The following CCDC180 variants were observed in gnomAD, a reference collection of about 807,000 sequenced individuals.
CCDC180 encodes the protein coiled-coil domain containing 180, also known as coiled-coil domain-containing protein 180.
Under a neutral mutation model 209.2 loss-of-function variants are expected in CCDC180, and 154 were observed. The observed-to-expected ratio is 0.74, with a 90% CI of 0.65 to 0.84. CCDC180 has a LOEUF of 0.84. Ranked by LOEUF, CCDC180 falls within the 40% of genes least tolerant of loss-of-function variation. The pLI is 0.00. For missense variants in CCDC180, 1,874 were observed against 1,997.3 expected, an observed-to-expected ratio of 0.94 and a Z score of 1.18; for synonymous variants, 778 against 749.1, an observed-to-expected ratio of 1.04 and a Z score of -0.63.
intron 22 of CCDC180, among the ~76,000 whole-genome samples, chr9:97,351,021 G>A (rs993181532): frequency 6.6e-6 from 1 of 152,166 alleles, no homozygotes; most frequent in Non-Finnish European, 1.5e-5. Context: ...ATGTTCCATT[G>A]TGTGTATATA....
At chr9:97,324,946 C>G in intron 13 of CCDC180, 73 bp from the exon 14 acceptor site, 1 of 1,436,586 alleles carries the variant, frequency 7.0e-7, no homozygotes, top group East Asian at 2.3e-5. Context: ...ACAGGGGGTC[C>G]CACAGGTGGG....
intron 20 of CCDC180, among the ~76,000 whole-genome samples, chr9:97,348,214 A>G (rs1826329082): frequency 6.6e-6 from 1 of 151,994 alleles, no homozygotes; most frequent in Admixed American, 6.6e-5. Context: ...CTTTAGAGCT[A>G]TCAGAGAGCC....
In CCDC180 at chr9:97,366,680, A is replaced by T; in HGVS notation, c.4169A>T (p.Tyr1390Phe). 1 of 1,614,086 alleles carries T rather than the reference A, an allele frequency of 6.2e-7. No homozygotes were observed. Among genetic ancestry groups the T allele is most frequent in the Non-Finnish European group, 8.5e-7 (1 of 1,180,004 alleles). The part of the protein sequence containing the change: ...ILEYQSQANK[Y>F]HNSCLIELRI... ...GAGTATCAGAGCCAGGCAAATAAGTACCACAACTCCTGCCTCATAGGTGAG... is the reference window on the plus strand; with the variant it reads ...GAGTATCAGAGCCAGGCAAATAAGTTCCACAACTCCTGCCTCATAGGTGAG... Residue 1390 changes from tyrosine (Y) to phenylalanine (F), a missense_variant, in exon 31 of 37, where the codon TAC (tyrosine) becomes TTC (phenylalanine). Tyr to Phe is a conservative substitution (Grantham distance 22). Coordinates refer to ENST00000529487, the MANE Select transcript of CCDC180 (RefSeq NM_020893.6). This position sits in a 1 kb window ranked among gnomAD's most constrained non-coding sequence, Gnocchi z 4.3.
rs747525387 is a variant in CCDC180, at chr9:97,314,483, G to A, written c.550G>A (p.Val184Met). ...AGAAATGAACCGTCTCTTCCTAAAGGTGGAAAATGACACCAACCTTGAGGA... is the reference window on the plus strand; with the variant it reads ...AGAAATGAACCGTCTCTTCCTAAAGATGGAAAATGACACCAACCTTGAGGA... ...DEEMNRLFLK[V>M]ENDTNLEDYT... Residue 184 changes from valine to methionine, a missense_variant, in exon 6 of 37, where the codon GTG becomes ATG. Coordinates refer to ENST00000529487, the MANE Select transcript of CCDC180 (RefSeq NM_020893.6). The A allele has an allele frequency of 3.1e-6, 5 of 1,614,148 alleles. No homozygotes were observed. The South Asian group carries it at 4.4e-5, about 14-fold the overall frequency.
intron 22 of CCDC180, among the ~76,000 whole-genome samples, chr9:97,353,777 T>G (rs4743082): frequency 0.2 from 30,647 of 152,092 alleles, 3,409 homozygotes; most frequent in East Asian, 0.39. Flanking sequence ...CTTTCCTCTT[T>G]GCCCTTGGAT....
At chr9:97,326,273 C>T (rs185246110) in intron 14 of CCDC180, among the ~76,000 whole-genome samples, 32 of 151,946 alleles carry the variant, frequency 2.1e-4, no homozygotes, top group Non-Finnish European at 3.1e-4. Context: ...ACCAGGTGGG[C>T]GGGTGTGAGG....
intron 12 of CCDC180, 77 bp downstream of exon 12, chr9:97,322,998 CT>C: frequency 9.2e-7 from 1 of 1,084,796 alleles, no homozygotes; most frequent in Non-Finnish European, 1.4e-6. Context: ...CCCATACCCA[CT>C]GCCTTCCCCT....
At chr9:97,316,917 A>G in intron 8 of CCDC180, 148 bp from the exon 9 acceptor site, 1 of 659,176 alleles carries the variant, frequency 1.5e-6, no homozygotes. Flanking sequence ...CTGACCCCTC[A>G]GTCCCCTTCA....
At chr9:97,328,420 C>G (rs924288380) in intron 16 of CCDC180, among the ~76,000 whole-genome samples, 1 of 152,052 alleles carries the variant, frequency 6.6e-6, no homozygotes, top group Admixed American at 6.5e-5. Flanking sequence ...TTTATCATAC[C>G]TACCACTGCC....
chr9:97,358,972 A>G (rs1826671612), intron 25 of CCDC180, among the ~76,000 whole-genome samples: 1 of 152,226 alleles, frequency 6.6e-6, no homozygotes, highest in South Asian at 2.1e-4. Context: ...AACACCCACA[A>G]AGCATAGTTT....
chr9:97,356,357 C>T (rs1343372202), intron 24 of CCDC180, among the ~76,000 whole-genome samples: 1 of 152,200 alleles, frequency 6.6e-6, no homozygotes, highest in African/African-American at 2.4e-5. Flanking sequence ...ATAGGGACTC[C>T]AGACCCAGCT....
In CCDC180 at chr9:97,363,999, G is replaced by A. The variant is rs932729170; in HGVS notation, c.3903-52G>A. Reference sequence around the variant, plus strand: ...GCAGGGATCCTGCAGGCTCAGACCTGCCTTGCGTCTGTCCACAGCCTCCAG... The same window carrying A: ...GCAGGGATCCTGCAGGCTCAGACCTACCTTGCGTCTGTCCACAGCCTCCAG... On this transcript the variant is annotated intron_variant, in intron 28 of 36. Transcript: ENST00000529487. 2.5e-6 allele frequency: 4 copies of A among 1,570,440 alleles called. No individual in the cohort carries two copies. The African/African-American group carries it at 5.4e-5, about 21-fold the overall frequency.
At chr9:97,371,070 T>C (rs1827085226) in intron 33 of CCDC180, 1 of 186,106 alleles carries the variant, frequency 5.4e-6, no homozygotes, top group Non-Finnish European at 1.1e-5. Context: ...TTCACGCCAT[T>C]CTCCTGCCTC....
At chr9:97,346,671 G>A (rs1826269390) in intron 19 of CCDC180, among the ~76,000 whole-genome samples, 1 of 152,190 alleles carries the variant, frequency 6.6e-6, no homozygotes. Flanking sequence ...GGAGTTCAGT[G>A]GCATGACTCA....
chr9:97,314,736 G>A lies in CCDC180; in HGVS notation c.699+8G>A, dbSNP rs751791769. On this transcript the variant is annotated splice_region_variant and intron_variant, in intron 7 of 36. Coordinates refer to ENST00000529487, the MANE Select transcript of CCDC180 (RefSeq NM_020893.6). ...TTCTCCCGAACCGATAAAGTAAGTC[G>A]GCTGCAGGTGGGCTGTGTGGTGACT... The A allele has an allele frequency of 9.3e-6, 15 of 1,611,862 alleles. No individual in the cohort carries two copies. The Admixed American group carries it at 1.0e-4, about 11-fold the overall frequency.
At chr9:97,313,427 C>G (rs1038569492) in intron 5 of CCDC180, 82 bp downstream of exon 5, 4 of 933,182 alleles carry the variant, frequency 4.3e-6, no homozygotes, top group South Asian at 4.1e-5. Context: ...CCTTCCTCCC[C>G]CTCTCCAGCA....
At chr9:97,338,838 G>A (rs1452580568) in intron 18 of CCDC180, among the ~76,000 whole-genome samples, 1 of 152,132 alleles carries the variant, frequency 6.6e-6, no homozygotes, top group Non-Finnish European at 1.5e-5. Context: ...GAATCTAGGT[G>A]TTCCTGTTTT....
At chr9:97,320,529 T>C (rs1300412638) in intron 11 of CCDC180, among the ~76,000 whole-genome samples, 2 of 152,162 alleles carry the variant, frequency 1.3e-5, no homozygotes, top group African/African-American at 4.8e-5. Flanking sequence ...GCACATAGTA[T>C]TGATGCCCAG....
At chr9:97,325,857 C>T (rs953289859) in intron 14 of CCDC180, among the ~76,000 whole-genome samples, 1 of 152,202 alleles carries the variant, frequency 6.6e-6, no homozygotes, top group African/African-American at 2.4e-5. Flanking sequence ...TCAGCCTAAG[C>T]TCTTGAAGTG....
Sources: allele counts gnomAD v4.1 joint callset (sites outside exome capture counted in the v4.1 genomes callset), GRCh38; gene constraint gnomAD v4.1.1; non-coding constraint Gnocchi (gnomAD v3.1); transcripts MANE v1.5; gene names NCBI Gene and HGNC (gene_info 2026-07-23, HGNC 2026-07-21).